Variants in GABRG3 observed in about 807,000 individuals in gnomAD.
GABRG3 encodes gamma-aminobutyric acid receptor subunit gamma-3.
In GABRG3, 25 loss-of-function variants were observed where a neutral mutation model predicts 48.8. That is an observed-to-expected ratio of 0.51 (90% CI 0.37 to 0.72). GABRG3 has a LOEUF of 0.72. Among genes scored for constraint, GABRG3 ranks in the 30% least tolerant of loss-of-function variants. The pLI is 0.00. For missense variants in GABRG3, 394 were observed against 577.9 expected (o/e 0.68, Z 3.26); for synonymous variants, 227 against 217.6 (o/e 1.04, Z -0.38).
At chr15:27,015,290 T>G (rs1359385536) in intron 2 of GABRG3, among the ~76,000 whole-genome samples, 1 of 152,146 alleles carries the variant, frequency 6.6e-6, no homozygotes, top group Non-Finnish European at 1.5e-5. Flanking sequence ...GGGAAGGACT[T>G]ACTGTTGCCA....
At chr15:27,455,840 G>A (rs1168118541) in intron 5 of GABRG3, among the ~76,000 whole-genome samples, 1 of 152,120 alleles carries the variant, frequency 6.6e-6, no homozygotes, top group African/African-American at 2.4e-5. Context: ...TGTGTGTGAT[G>A]TGTGTGTGTT....
chr15:27,225,351 G>T (rs913375042), intron 3 of GABRG3, among the ~76,000 whole-genome samples: 1 of 151,950 alleles, frequency 6.6e-6, no homozygotes, highest in Non-Finnish European at 1.5e-5. Context: ...CCCCCTCCAC[G>T]TGGAGGCAGG....
At chr15:27,461,141 G>A (rs1889435703) in intron 5 of GABRG3, among the ~76,000 whole-genome samples, 1 of 152,162 alleles carries the variant, frequency 6.6e-6, no homozygotes, top group Non-Finnish European at 1.5e-5. Flanking sequence ...ATGTGCGGCA[G>A]GCGCCTTTCC....
Position 27,250,502 on chromosome 15 carries a change from C to A in GABRG3, c.271-76307C>A, listed in dbSNP as rs186145501. Among the ~76,000 whole-genome samples the A allele has an allele frequency of 7.5e-4, 114 of 152,310 alleles. 1 individual carries two copies. Among genetic ancestry groups the A allele is most frequent in the Middle Eastern group, 3.4e-3 (1 of 294 alleles). The stretch of plus-strand genomic sequence containing the variant: ...GCTGGAGTGGTGCGATCTTGGCTCA[C>A]TGCAACCTCTGCCTCCTGGGCTCAA... On this transcript the variant is annotated intron_variant, in intron 3 of 9. Coordinates refer to ENST00000615808, the MANE Select transcript of GABRG3 (RefSeq NM_033223.5).
At chr15:27,130,699 C>T (rs993465710) in intron 3 of GABRG3, among the ~76,000 whole-genome samples, 4 of 151,962 alleles carry the variant, frequency 2.6e-5, no homozygotes, top group African/African-American at 9.7e-5. Flanking sequence ...TTTTTGGTAT[C>T]TTCCTTAATT....
chr15:26,985,456 C>A (rs1033796867), intron 2 of GABRG3, among the ~76,000 whole-genome samples: 1 of 152,192 alleles, frequency 6.6e-6, no homozygotes, highest in Non-Finnish European at 1.5e-5. Flanking sequence ...CAACTAAAAG[C>A]AATAAAATAT....
intron 3 of GABRG3, among the ~76,000 whole-genome samples, chr15:27,138,435 A>G (rs898179717): frequency 5.3e-5 from 8 of 152,324 alleles, no homozygotes; most frequent in Admixed American, 3.9e-4. Context: ...CCTTGGACTA[A>G]AAAATGGGCA....
chr15:27,177,221 G>T (rs1887775685), intron 3 of GABRG3, among the ~76,000 whole-genome samples: 1 of 152,086 alleles, frequency 6.6e-6, no homozygotes, highest in African/African-American at 2.4e-5. Flanking sequence ...TCAGATCCTT[G>T]GTATGAGTTA....
At chr15:27,362,142 A>G (rs1260672735) in intron 5 of GABRG3, among the ~76,000 whole-genome samples, 1 of 152,196 alleles carries the variant, frequency 6.6e-6, no homozygotes, top group African/African-American at 2.4e-5. Flanking sequence ...TGTTCTCCCA[A>G]GCTATTGAAT....
chr15:27,457,704 C>G lies in GABRG3; in HGVS notation c.575-22946C>G, dbSNP rs778972246. 1.3e-5 allele frequency among the ~76,000 whole-genome samples: 2 copies of G among 152,182 alleles called. No individual in the cohort carries two copies. Among genetic ancestry groups the G allele is most frequent in the Non-Finnish European group, 2.9e-5 (2 of 68,042 alleles). On this transcript the variant is annotated intron_variant, in intron 5 of 9. Coordinates refer to ENST00000615808, the MANE Select transcript of GABRG3 (RefSeq NM_033223.5). The surrounding 1 kb of genome is among the most constrained non-coding windows in gnomAD (Gnocchi z 4.4). ...GACGCCTGGTCCAGCCTTCCTTACT[C>G]TGACCTGATGGTTGCAGTCGCCGTG...
At chr15:27,305,277 T>C (rs547567828) in intron 3 of GABRG3, among the ~76,000 whole-genome samples, 1 of 151,444 alleles carries the variant, frequency 6.6e-6, no homozygotes, top group Non-Finnish European at 1.5e-5. Flanking sequence ...TTAAAATAAC[T>C]CCAGAATTGA....
intron 3 of GABRG3, among the ~76,000 whole-genome samples, chr15:27,205,727 T>TA (rs1180017004): frequency 1.3e-5 from 2 of 151,732 alleles, no homozygotes; most frequent in Non-Finnish European, 3.0e-5. Context: ...TTTTTTTTTT[T>TA]ATTACTGATT....
At chr15:27,500,984 A>G (rs1464033439) in intron 6 of GABRG3, among the ~76,000 whole-genome samples, 5 of 127,188 alleles carry the variant, frequency 3.9e-5, no homozygotes, top group Admixed American at 1.9e-4. Context: ...ACGGAGTCTC[A>G]CTCTGTCCCC....
intron 3 of GABRG3, among the ~76,000 whole-genome samples, chr15:27,158,905 G>T (rs1015370946): frequency 6.6e-6 from 1 of 152,014 alleles, no homozygotes; most frequent in Admixed American, 6.6e-5. Context: ...GAAAGATGTT[G>T]TCTTTAAAGC....
chr15:27,010,573 C>G (rs116093947), intron 2 of GABRG3, among the ~76,000 whole-genome samples: 1,708 of 152,266 alleles, frequency 0.011, 29 homozygotes, highest in African/African-American at 0.039. Flanking sequence ...TTCATGCTCT[C>G]AAGTCATTTC....
At chr15:26,982,144 T>C (rs777461380) in intron 2 of GABRG3, among the ~76,000 whole-genome samples, 3 of 152,218 alleles carry the variant, frequency 2.0e-5, no homozygotes, top group South Asian at 2.1e-4. Context: ...CCTAATTAGA[T>C]AGAAAATCTT....
rs202131748 is a variant in GABRG3, at chr15:27,469,335, T to TTTTTA, written c.575-11300_575-11296dup. Among the ~76,000 whole-genome samples the TTTTTA allele has an allele frequency of 3.8e-4, 58 of 152,242 alleles. No homozygotes were observed. The East Asian group carries it at 9.4e-3, about 25-fold the overall frequency. ...AATACTTCTCTCAAGTCTCTCTTCT[T>TTTTTA]TTTTATTTTATTTTATTTTTTTGGA... is the stretch of plus-strand genomic sequence containing the variant. On this transcript the variant is annotated intron_variant, in intron 5 of 9. Transcript: ENST00000615808.
At chr15:27,267,161 C>T (rs1890947263) in intron 3 of GABRG3, among the ~76,000 whole-genome samples, 1 of 141,110 alleles carries the variant, frequency 7.1e-6, no homozygotes, top group South Asian at 2.2e-4. Context: ...GGCTGGAGTG[C>T]AATGGCGTGA....
intron 5 of GABRG3, 116 bp from the exon 6 acceptor site, chr15:27,480,534 A>T: frequency 1.0e-6 from 1 of 961,474 alleles, no homozygotes; most frequent in Non-Finnish European, 1.5e-6. Context: ...GAGTGCACAT[A>T]TGGCCTAAAA....
Sources: gnomAD v4.1 joint callset for allele counts (sites outside exome capture counted in the v4.1 genomes callset) on GRCh38, gnomAD v4.1.1 for gene constraint, Gnocchi (gnomAD v3.1) non-coding constraint, MANE v1.5 for transcripts, NCBI Gene and HGNC (gene_info 2026-07-23, HGNC 2026-07-21) for gene names.